Variants in PALLD observed in about 807,000 individuals in gnomAD.
The protein encoded by PALLD is palladin, cytoskeletal associated protein.
Under a neutral mutation model 123.5 loss-of-function variants are expected in PALLD, and 61 were observed. That is an observed-to-expected ratio of 0.49 (90% CI 0.40 to 0.61). The LOEUF is 0.61. PALLD is among the 20% of genes least tolerant of loss of function. The pLI is 0.00. For missense variants in PALLD, 1,273 were observed against 1,377.0 expected (o/e 0.92, Z 1.20); for synonymous variants, 465 against 496.4 (o/e 0.94, Z 0.84).
At chr4:168,530,450 C>T (rs2149480210) in intron 2 of PALLD, 1 of 152,288 alleles carries the variant, frequency 6.6e-6, no homozygotes, top group Non-Finnish European at 1.5e-5. Flanking sequence ...GAGAGATAGA[C>T]ACCTGCAACT....
At chr4:168,884,808 T>G (rs1288370915) in intron 10 of PALLD, among the ~76,000 whole-genome samples, 1 of 152,188 alleles carries the variant, frequency 6.6e-6, no homozygotes, top group Non-Finnish European at 1.5e-5. Context: ...GCCAATCTTG[T>G]CTCTGTGACT....
chr4:168,680,497 A>G (rs947068623), intron 3 of PALLD, among the ~76,000 whole-genome samples: 1 of 142,554 alleles, frequency 7.0e-6, no homozygotes, highest in Non-Finnish European at 1.5e-5. Context: ...AAAAAAAAAA[A>G]AAAAAAAAAA....
At chr4:168,914,054 A>G (rs750730697) in intron 16 of PALLD, 33 bp downstream of exon 16, 2 of 1,243,304 alleles carry the variant, frequency 1.6e-6, no homozygotes, top group Non-Finnish European at 2.4e-6. Context: ...GAAGTGTTAC[A>G]TTATTTTATT....
chr4:168,709,505 A>G (rs60250838), intron 9 of PALLD, among the ~76,000 whole-genome samples: 9,474 of 114,524 alleles, frequency 0.083, 1,042 homozygotes, highest in East Asian at 0.29. Context: ...GTCAGACTCC[A>G]TCAAGGAAGG....
At chr4:168,523,024 A>G (rs1327213516) in intron 2 of PALLD, among the ~76,000 whole-genome samples, 2 of 152,152 alleles carry the variant, frequency 1.3e-5, no homozygotes, top group Admixed American at 6.6e-5. Context: ...GCTTCCAGTC[A>G]CTGTTTATAT....
In PALLD at chr4:168,532,768, C is replaced by A. The variant is rs536727062; in HGVS notation, c.908+20356C>A. Reference sequence around the variant, plus strand: ...AGGGAGATTCATGGAGGCCAAGGTGCATTCAGTAGAATTCCATAAGAAGAA... The same window carrying A: ...AGGGAGATTCATGGAGGCCAAGGTGAATTCAGTAGAATTCCATAAGAAGAA... On this transcript the variant is annotated intron_variant, in intron 2 of 21. Coordinates refer to ENST00000505667, the MANE Select transcript of PALLD (RefSeq NM_001166108.2). 7.9e-5 allele frequency among the ~76,000 whole-genome samples: 12 copies of A among 152,154 alleles called. No individual in the cohort carries two copies. The East Asian group carries it at 9.6e-4, about 12-fold the overall frequency.
intron 2 of PALLD, among the ~76,000 whole-genome samples, chr4:168,638,261 C>T (rs1363076106): frequency 6.6e-6 from 1 of 152,096 alleles, no homozygotes; most frequent in East Asian, 1.9e-4. Context: ...AGCATCTTGC[C>T]CAAGATCACA....
At chr4:168,841,492 C>A (rs1346332865) in intron 10 of PALLD, among the ~76,000 whole-genome samples, 5 of 152,194 alleles carry the variant, frequency 3.3e-5, no homozygotes, top group African/African-American at 1.2e-4. Context: ...ACTGAGGGAA[C>A]CACACAGTGG....
chr4:168,577,497 G>T (rs1769747032), intron 2 of PALLD, among the ~76,000 whole-genome samples: 1 of 152,060 alleles, frequency 6.6e-6, no homozygotes, highest in South Asian at 2.1e-4. Flanking sequence ...ACATTCACAG[G>T]ATTGTAACAT....
intron 10 of PALLD, among the ~76,000 whole-genome samples, chr4:168,779,768 T>G (rs1386051240): frequency 1.3e-5 from 2 of 152,188 alleles, no homozygotes; most frequent in African/African-American, 2.4e-5. Flanking sequence ...CATTCTAAAT[T>G]TAATCATTTG....
chr4:168,520,357 G>GAGAGAGAGAA (rs1763441540), intron 2 of PALLD, among the ~76,000 whole-genome samples: 1 of 148,372 alleles, frequency 6.7e-6, no homozygotes, highest in Non-Finnish European at 1.5e-5. Context: ...AAGAGAGAGA[G>GAGAGAGAGAA]AGAATGGCAC....
chr4:168,681,359 A>G lies in PALLD; in HGVS notation c.1115A>G (p.Glu372Gly). 6.2e-7 allele frequency: 1 copy of G among 1,609,458 alleles called. No individual in the cohort carries two copies. Among genetic ancestry groups the G allele is most frequent in the Non-Finnish European group, 8.5e-7 (1 of 1,176,000 alleles). Residue 372 changes from glutamate to glycine, a missense_variant, in exon 4 of 22, where the codon GAA becomes GGA. This residue lies in a region of PALLD where 944 missense variants were observed against 954.5 expected (regional missense o/e 0.99). Transcript: ENST00000505667. ...EGASSTDSDS[E>G]SLAFKSRAGA... The stretch of plus-strand genomic sequence containing the variant: ...GCCAGTTCAACAGATTCTGACAGTG[A>G]AAGTTTAGCTTTCAAATCAAGAGCT...
At chr4:168,795,529 CAT>C (rs143963640) in intron 10 of PALLD, among the ~76,000 whole-genome samples, 4,061 of 152,238 alleles carry the variant, frequency 0.027, 174 homozygotes, top group African/African-American at 0.092. Context: ...CAATGATTAA[CAT>C]GTGAGAATCT....
Position 168,681,344 on chromosome 4 carries a change from C to T in PALLD, c.1100C>T (p.Thr367Ile), listed in dbSNP as rs769862983. ...AEVFIEGASS[T>I]DSDSESLAFK... ...AATACTTTCCCAGGTGCCAGTTCAA[C>T]AGATTCTGACAGTGAAAGTTTAGCT... Residue 367 changes from threonine (T) to isoleucine (I), a missense_variant, in exon 4 of 22, where the codon ACA (threonine) becomes ATA (isoleucine). Thr to Ile is a moderately conservative substitution (Grantham distance 89). Around this residue, in one of 2 missense-constraint regions of PALLD, gnomAD observed 944 missense variants for 954.5 expected, o/e 0.99. Transcript: ENST00000505667. 6 of 1,604,198 alleles carry T rather than the reference C, an allele frequency of 3.7e-6. No homozygotes were observed. The African/African-American group carries it at 5.4e-5, about 14-fold the overall frequency.
chr4:168,874,928 G>A (rs145051659), intron 10 of PALLD, among the ~76,000 whole-genome samples: 4 of 151,872 alleles, frequency 2.6e-5, no homozygotes, highest in Non-Finnish European at 5.9e-5. Context: ...GGAGGAGAGC[G>A]GGGAAAAAAG....
intron 2 of PALLD, among the ~76,000 whole-genome samples, chr4:168,615,468 C>G (rs916713605): frequency 1.3e-5 from 2 of 152,150 alleles, no homozygotes; most frequent in Admixed American, 6.5e-5. Flanking sequence ...GTATCTGGCC[C>G]GAGTCCATTT....
At chr4:168,870,767 C>T (rs1034805352) in intron 10 of PALLD, among the ~76,000 whole-genome samples, 4 of 152,152 alleles carry the variant, frequency 2.6e-5, no homozygotes, top group African/African-American at 7.2e-5. Flanking sequence ...ATAAACAGAA[C>T]GTGGCAGAGC....
intron 3 of PALLD, among the ~76,000 whole-genome samples, chr4:168,671,610 C>T (rs1780288377): frequency 6.6e-6 from 1 of 152,084 alleles, no homozygotes; most frequent in Non-Finnish European, 1.5e-5. Context: ...GGCTCCTTGG[C>T]CTTGTGAAAT....
At chr4:168,925,470 C>T (rs1424741284) in intron 21 of PALLD, 192 bp downstream of exon 21, 3 of 606,878 alleles carry the variant, frequency 4.9e-6, no homozygotes, top group Non-Finnish European at 8.9e-6. Context: ...TTCCTATATT[C>T]TATCGCAGTG....
Sources: allele counts gnomAD v4.1 joint callset (sites outside exome capture counted in the v4.1 genomes callset), GRCh38; gene constraint gnomAD v4.1.1; regional missense constraint gnomAD v4.1.1; transcripts MANE v1.5; gene names NCBI Gene and HGNC (gene_info 2026-07-23, HGNC 2026-07-21).